Variants in MYO16 observed in about 807,000 individuals in gnomAD.
MYO16 encodes myosin XVI.
A neutral mutation model predicts 205.3 loss-of-function variants in MYO16; 94 were observed. The observed-to-expected ratio is 0.46, with a 90% confidence interval of 0.39 to 0.54. The LOEUF is 0.54. MYO16 is among the 20% of genes least tolerant of loss of function. The pLI is 0.00. For synonymous variants in MYO16, 988 were observed against 954.0 expected (o/e 1.04, Z -0.66); for missense variants, 2,315 against 2,387.5 (o/e 0.97, Z 0.63).
chr13:108,895,176 A>C (rs963338876), intron 14 of MYO16, among the ~76,000 whole-genome samples: 1 of 151,934 alleles, frequency 6.6e-6, no homozygotes, highest in Admixed American at 6.6e-5. Flanking sequence ...TAGGGACATA[A>C]ATTTATAGAA....
chr13:108,989,428 C>T (rs1003625377), intron 20 of MYO16, among the ~76,000 whole-genome samples: 1 of 152,210 alleles, frequency 6.6e-6, no homozygotes, highest in South Asian at 2.1e-4. Context: ...TCTCCATTTC[C>T]TCTTTCAAGG....
chr13:108,984,599 A>G (rs1884563818), intron 20 of MYO16, among the ~76,000 whole-genome samples: 1 of 152,130 alleles, frequency 6.6e-6, no homozygotes, highest in African/African-American at 2.4e-5. Context: ...CTGGGGTCCC[A>G]ACTTTGTCTC....
chr13:108,836,394 T>C (rs1024583902), intron 9 of MYO16, among the ~76,000 whole-genome samples: 9 of 152,176 alleles, frequency 5.9e-5, no homozygotes, highest in African/African-American at 2.2e-4. Flanking sequence ...AGAGCCCTCA[T>C]TGGAGAAGCC....
intron 28 of MYO16, 129 bp downstream of exon 28, chr13:109,101,016 A>G (rs1888948064): frequency 1.4e-5 from 10 of 696,882 alleles, no homozygotes; most frequent in African/African-American, 3.5e-5. Flanking sequence ...AAGGCGTGAC[A>G]TTAAGTGTAT....
At chr13:108,948,208 A>G (rs1187707687) in intron 16 of MYO16, among the ~76,000 whole-genome samples, 1 of 152,234 alleles carries the variant, frequency 6.6e-6, no homozygotes, top group Admixed American at 6.5e-5. Flanking sequence ...TGCTGTCTTT[A>G]TTGATACCAA....
chr13:108,899,837 G>A (rs1028568149), intron 15 of MYO16, among the ~76,000 whole-genome samples: 11 of 152,230 alleles, frequency 7.2e-5, no homozygotes, highest in Non-Finnish European at 1.0e-4. Context: ...GCCCAAGGAT[G>A]AGCACTGCGT....
intron 11 of MYO16, among the ~76,000 whole-genome samples, chr13:108,865,468 C>G (rs1472602963): frequency 6.6e-6 from 1 of 151,964 alleles, no homozygotes; most frequent in Non-Finnish European, 1.5e-5. Flanking sequence ...TCCATAGTCA[C>G]CTTCTTTGCT....
intron 6 of MYO16, among the ~76,000 whole-genome samples, chr13:108,802,491 T>C (rs1427141207): frequency 6.6e-6 from 1 of 152,220 alleles, no homozygotes; most frequent in Non-Finnish European, 1.5e-5. Context: ...TATTTTCCTG[T>C]TGATGAACAG....
At position 108,653,364 on chromosome 13, in the gene MYO16, T is replaced by G. The variant is rs561493998; in HGVS notation, c.29-12522T>G. 3.3e-5 allele frequency among the ~76,000 whole-genome samples: 5 copies of G among 152,284 alleles called. No homozygotes were observed. In the South Asian group the frequency reaches 1.0e-3, roughly 32 times the overall value. On this transcript the variant is annotated intron_variant, in intron 1 of 34. Transcript: ENST00000457511. ...CTTTTCACTGTGATGCTTATGTACT[T>G]TTATGCACAGAAGTTTTTAAGTTTG...
intron 12 of MYO16, among the ~76,000 whole-genome samples, chr13:108,881,956 A>C (rs1188466238): frequency 6.6e-6 from 1 of 152,150 alleles, no homozygotes; most frequent in Non-Finnish European, 1.5e-5. Context: ...TGCCACAAAG[A>C]TACTCCTTGA....
At chr13:109,103,634 A>T (rs985182130) in intron 28 of MYO16, among the ~76,000 whole-genome samples, 1 of 152,158 alleles carries the variant, frequency 6.6e-6, no homozygotes, top group African/African-American at 2.4e-5. Context: ...TCTCTCTTTA[A>T]CTTTAATCAG....
intron 12 of MYO16, among the ~76,000 whole-genome samples, 196 bp from the exon 13 acceptor site, chr13:108,882,863 T>C (rs1455822791): frequency 6.6e-6 from 1 of 152,218 alleles, no homozygotes; most frequent in East Asian, 1.9e-4. Context: ...AGTATAAGCC[T>C]CCATTTTGTC....
At chr13:108,902,446 T>G (rs1206964220) in intron 15 of MYO16, among the ~76,000 whole-genome samples, 1 of 152,214 alleles carries the variant, frequency 6.6e-6, no homozygotes, top group Non-Finnish European at 1.5e-5. Flanking sequence ...GGGGTTGATA[T>G]TAGAATGTGT....
chr13:108,621,062 C>G (rs1282300657), intron 1 of MYO16, among the ~76,000 whole-genome samples: 1 of 152,190 alleles, frequency 6.6e-6, no homozygotes, highest in Non-Finnish European at 1.5e-5. Context: ...CACCTCTCTT[C>G]TGCCCACCTG....
intron 6 of MYO16, among the ~76,000 whole-genome samples, chr13:108,796,848 C>T (rs1274132276): frequency 6.6e-6 from 1 of 150,772 alleles, no homozygotes; most frequent in African/African-American, 2.5e-5. Flanking sequence ...AGCACACCAA[C>T]ATGGCACATG....
intron 21 of MYO16, among the ~76,000 whole-genome samples, chr13:108,997,206 G>A (rs1033991748): frequency 8.6e-5 from 13 of 151,856 alleles, no homozygotes; most frequent in African/African-American, 2.7e-4. Flanking sequence ...CATGAATATC[G>A]TTTAAACCTG....
At chr13:108,669,238 A>C (rs578208141) in intron 2 of MYO16, among the ~76,000 whole-genome samples, 1 of 152,052 alleles carries the variant, frequency 6.6e-6, no homozygotes, top group Non-Finnish European at 1.5e-5. Flanking sequence ...CTTTCTTGGG[A>C]GCCAAGATGA....
At chr13:109,170,832 G>C (rs1878894657) in intron 33 of MYO16, among the ~76,000 whole-genome samples, 1 of 152,076 alleles carries the variant, frequency 6.6e-6, no homozygotes. Flanking sequence ...CTAAACTTCA[G>C]CATGTAACAC....
At chr13:109,067,498 G>A (rs1273296851) in intron 27 of MYO16, among the ~76,000 whole-genome samples, 2 of 152,122 alleles carry the variant, frequency 1.3e-5, no homozygotes, top group Non-Finnish European at 2.9e-5. Context: ...ACTGATATTG[G>A]CCCTGTTCCA....
Sources: allele counts gnomAD v4.1 joint callset (sites outside exome capture counted in the v4.1 genomes callset), GRCh38; gene constraint gnomAD v4.1.1; transcripts MANE v1.5; gene names NCBI Gene and HGNC (gene_info 2026-07-23, HGNC 2026-07-21).